DUSP22: variants seen among roughly 807,000 people sequenced by gnomAD.
DUSP22 encodes the protein dual specificity protein phosphatase 22.
A neutral mutation model predicts 24.5 loss-of-function variants in DUSP22; 24 were observed. That is an observed-to-expected ratio of 0.98 (90% CI 0.71 to 1.38). The LOEUF (loss-of-function observed/expected upper bound fraction) is 1.38. Among genes scored for constraint, DUSP22 ranks in the 40% most tolerant of loss-of-function variants. DUSP22 has a pLI of 0.00. For synonymous variants in DUSP22, 160 were observed against 106.4 expected (o/e 1.50, Z -3.10); for missense variants, 330 against 269.2 (o/e 1.23, Z -1.58).
intron 5 of DUSP22, 108 bp from the exon 6 acceptor site, chr6:347,995 G>A (rs1191266330): frequency 1.3e-6 from 2 of 1,508,112 alleles, no homozygotes; most frequent in Non-Finnish European, 1.8e-6. Context: ...TCCAAGGCAG[G>A]AAGACTTTCT....
intron 2 of DUSP22, among the ~76,000 whole-genome samples, chr6:308,987 TTGTC>T (rs1375386791): frequency 2.0e-5 from 3 of 152,304 alleles, no homozygotes; most frequent in African/African-American, 7.2e-5. Context: ...AGCTGTGGCT[TTGTC>T]TGTTTCACTG....
chr6:299,523 C>G (rs986022719), intron 1 of DUSP22, among the ~76,000 whole-genome samples: 1 of 152,308 alleles, frequency 6.6e-6, no homozygotes, highest in Non-Finnish European at 1.5e-5. Context: ...GTTTGTAATT[C>G]TATATGGAAG....
At chr6:301,563 T>C (rs1055772663) in intron 1 of DUSP22, among the ~76,000 whole-genome samples, 4 of 152,418 alleles carry the variant, frequency 2.6e-5, no homozygotes, top group South Asian at 2.1e-4. Context: ...ATTAATTTGA[T>C]AGGACAGAGG....
At chr6:335,270 C>T in intron 4 of DUSP22, 107 bp downstream of exon 4, 1 of 1,373,030 alleles carries the variant, frequency 7.3e-7, no homozygotes, top group Non-Finnish European at 1.0e-6. Flanking sequence ...TCACGGGACC[C>T]TTGCTGACCC....
In DUSP22 at chr6:349,658, G is replaced by A; in HGVS notation, c.*707G>A. On this transcript the variant is annotated 3_prime_UTR_variant, in exon 7 of 7. Coordinates refer to ENST00000419235, the MANE Select transcript of DUSP22 (RefSeq NM_001286555.3). ...GAGACTGCCCTGAGCTGGTCCAGTG[G>A]GCCAGCACTTTATACCAACTCAGCA... 1 of 986,260 alleles carries A rather than the reference G, an allele frequency of 1.0e-6. No homozygotes were observed. 61.1% of individuals were successfully genotyped at this position (986,260 alleles called of 1,614,324 possible).
At chr6:344,204 A>G (rs1339662192) in intron 4 of DUSP22, among the ~76,000 whole-genome samples, 6 of 150,230 alleles carry the variant, frequency 4.0e-5, no homozygotes, top group Non-Finnish European at 8.8e-5. Flanking sequence ...AATGAGTGAC[A>G]AGAGAAAAGG....
At chr6:302,666 G>A (rs1406206933) in intron 1 of DUSP22, among the ~76,000 whole-genome samples, 5 of 152,306 alleles carry the variant, frequency 3.3e-5, no homozygotes, top group African/African-American at 9.6e-5. Flanking sequence ...CTGACTTTGG[G>A]CAGATAAACA....
intron 3 of DUSP22, chr6:319,911 C>G (rs1758514647): frequency 6.6e-6 from 1 of 152,372 alleles, no homozygotes; most frequent in Non-Finnish European, 1.5e-5. Flanking sequence ...AGATATGACT[C>G]AAATAGAAAT....
chr6:317,460 C>G (rs2127401429), intron 3 of DUSP22, among the ~76,000 whole-genome samples: 1 of 152,424 alleles, frequency 6.6e-6, no homozygotes, highest in African/African-American at 2.4e-5. Context: ...CCACCCTCTC[C>G]TGCTCACATG....
chr6:327,619 G>T (rs1248118068), intron 3 of DUSP22, among the ~76,000 whole-genome samples: 1 of 152,304 alleles, frequency 6.6e-6, no homozygotes, highest in Admixed American at 6.5e-5. Flanking sequence ...AGTCCTCTGT[G>T]CCAGGGCCAT....
intron 4 of DUSP22, among the ~76,000 whole-genome samples, chr6:345,609 C>T (rs1347103536): frequency 6.6e-6 from 1 of 152,300 alleles, no homozygotes; most frequent in Non-Finnish European, 1.5e-5. Flanking sequence ...TGAATGTTAT[C>T]ACTACAAAGT....
chr6:304,247 A>G (rs1414368933), intron 1 of DUSP22, among the ~76,000 whole-genome samples: 1 of 152,308 alleles, frequency 6.6e-6, no homozygotes. Context: ...GCGGGAGTGT[A>G]ACCGCCTGCA....
chr6:348,109 C>T lies in DUSP22; in HGVS notation c.270C>T (p.Ala90=), dbSNP rs373799515. ...GCTTCTCTTGGCCCCGCAGCCTGGC[C>T]GGGGTCTCCAGGAGCGTGACACTGG... ...RGESCLVHCL[A]GVSRSVTLVI... is the part of the protein sequence containing the mutation. The change falls in exon 6 of 7, where the codon GCC becomes GCT. Residue 90 remains alanine (A), a synonymous_variant. Transcript: ENST00000419235. 80 of 1,614,140 alleles carry T rather than the reference C, an allele frequency of 5.0e-5. No homozygotes were observed. Among genetic ancestry groups the T allele is most frequent in the African/African-American group, 2.1e-4 (16 of 75,084 alleles).
At chr6:322,257 G>A (rs1303716082) in intron 3 of DUSP22, among the ~76,000 whole-genome samples, 1 of 152,298 alleles carries the variant, frequency 6.6e-6, no homozygotes, top group Non-Finnish European at 1.5e-5. Flanking sequence ...CCATCCTCCA[G>A]CGTCTTGCTT....
At chr6:299,298 C>T (rs944430125) in intron 1 of DUSP22, among the ~76,000 whole-genome samples, 2 of 152,304 alleles carry the variant, frequency 1.3e-5, no homozygotes, top group Non-Finnish European at 2.9e-5. Flanking sequence ...TCCCAGGTCT[C>T]CTCTATAAAT....
At chr6:321,211 G>A (rs1244357485) in intron 3 of DUSP22, among the ~76,000 whole-genome samples, 1 of 152,298 alleles carries the variant, frequency 6.6e-6, no homozygotes, top group Non-Finnish European at 1.5e-5. Context: ...CTAAGGGATG[G>A]GGCATGCAAG....
At chr6:322,830 T>TGGGGGGG (rs61690495) in intron 3 of DUSP22, among the ~76,000 whole-genome samples, 6 of 18,766 alleles carry the variant, frequency 3.2e-4, no homozygotes, top group African/African-American at 1.1e-3. Flanking sequence ...GGCTGCTTGG[T>TGGGGGGG]GGGGCGGGGG....
intron 2 of DUSP22, among the ~76,000 whole-genome samples, chr6:311,212 A>G (rs1758070786): frequency 6.6e-6 from 1 of 152,308 alleles, no homozygotes; most frequent in African/African-American, 2.4e-5. Flanking sequence ...GCATCAGTCT[A>G]GGGACCACAT....
chr6:323,654 T>G (rs1758711744), intron 3 of DUSP22, among the ~76,000 whole-genome samples: 1 of 152,298 alleles, frequency 6.6e-6, no homozygotes, highest in Non-Finnish European at 1.5e-5. Flanking sequence ...TTAGGATGGC[T>G]GTATAGGCAC....
Sources: allele counts gnomAD v4.1 joint callset (sites outside exome capture counted in the v4.1 genomes callset), GRCh38; gene constraint gnomAD v4.1.1; transcripts MANE v1.5; gene names NCBI Gene and HGNC (gene_info 2026-07-23, HGNC 2026-07-21).